The following UTRN variants were observed in gnomAD, a reference collection of about 807,000 sequenced individuals.
UTRN encodes the protein utrophin, also known as dystrophin-related protein 1.
Under a neutral mutation model 463.9 loss-of-function variants are expected in UTRN, and 283 were observed. That is an observed-to-expected ratio of 0.61 (90% CI 0.55 to 0.67). The LOEUF is 0.67. Among genes scored for constraint, UTRN ranks in the 30% least tolerant of loss-of-function variants. The probability of loss-of-function intolerance (pLI) is 0.00; values close to 1 mark genes in which losing one functional copy is unlikely to be tolerated. For synonymous variants in UTRN, 1,442 were observed against 1,431.5 expected, an observed-to-expected ratio of 1.01 and a Z score of -0.17; for missense variants, 3,922 against 4,084.3, an observed-to-expected ratio of 0.96 and a Z score of 1.08.
At chr6:144,334,726 G>A (rs959819750) in intron 2 of UTRN, among the ~76,000 whole-genome samples, 1 of 152,178 alleles carries the variant, frequency 6.6e-6, no homozygotes, top group African/African-American at 2.4e-5. Context: ...TGTTGGTTCA[G>A]GCAATGCTCT....
rs897858772 is a variant in UTRN at position 144,285,679 on chromosome 6, T to A, written c.-235T>A. On this transcript the variant is annotated 5_prime_UTR_variant, in exon 1 of 75. Coordinates refer to ENST00000367545, the MANE Select transcript of UTRN (RefSeq NM_007124.3). ...CGTGTCTGCTTCTCCAAGCTTTATT[T>A]TTTTTTTTAAATACATCGCACCACC... The A allele has an allele frequency of 1.3e-5, 2 of 152,172 alleles. No individual in the cohort carries two copies. Among genetic ancestry groups the A allele is most frequent in the Non-Finnish European group, 2.9e-5 (2 of 68,060 alleles). The allele number at this position is 152,172 out of a possible 1,614,324, so 9.4% of individuals were successfully genotyped here.
At chr6:144,499,962 T>G (rs1440883576) in intron 34 of UTRN, among the ~76,000 whole-genome samples, 1 of 152,224 alleles carries the variant, frequency 6.6e-6, no homozygotes, top group African/African-American at 2.4e-5. Context: ...TTTTTATGGT[T>G]GTATGGTACT....
chr6:144,467,270 A>T lies in UTRN; in HGVS notation c.3066+4404A>T, dbSNP rs928573385. On this transcript the variant is annotated intron_variant, in intron 23 of 74. Coordinates refer to ENST00000367545, the MANE Select transcript of UTRN (RefSeq NM_007124.3). ...TCATCTGTCTTCAGCCCAGCTCATC[A>T]CTACACCCATAGCTAGATAATCGTT... is the stretch of plus-strand genomic sequence containing the variant. Among the ~76,000 whole-genome samples the T allele has an allele frequency of 3.3e-5, 5 of 152,198 alleles. No homozygotes were observed. The South Asian group carries it at 8.3e-4, about 25-fold the overall frequency.
chr6:144,607,874 T>A (rs1216870384), intron 51 of UTRN, among the ~76,000 whole-genome samples: 2 of 152,216 alleles, frequency 1.3e-5, no homozygotes, highest in South Asian at 2.1e-4. Flanking sequence ...TGTTTTGTTT[T>A]ATTTGGGACT....
At chr6:144,813,657 T>C (rs1473778480) in intron 65 of UTRN, among the ~76,000 whole-genome samples, 1 of 152,108 alleles carries the variant, frequency 6.6e-6, no homozygotes, top group African/African-American at 2.4e-5. Flanking sequence ...CAGGTGGCGA[T>C]AAGCCACCAC....
At chr6:144,536,096 G>A (rs1030713823) in intron 43 of UTRN, among the ~76,000 whole-genome samples, 2 of 152,092 alleles carry the variant, frequency 1.3e-5, no homozygotes, top group Non-Finnish European at 2.9e-5. Context: ...TCCTTAGTGA[G>A]CAATTGTTTC....
intron 74 of UTRN, among the ~76,000 whole-genome samples, chr6:144,849,701 T>C (rs1201965385): frequency 1.3e-5 from 2 of 152,188 alleles, no homozygotes; most frequent in East Asian, 1.9e-4. Flanking sequence ...AATATTTACA[T>C]AGCATGATCT....
chr6:144,847,484 G>A (rs919627136), intron 74 of UTRN, among the ~76,000 whole-genome samples: 2 of 152,092 alleles, frequency 1.3e-5, no homozygotes, highest in Non-Finnish European at 2.9e-5. Context: ...CAGGCAGGAG[G>A]GGGTGGAGGA....
intron 45 of UTRN, among the ~76,000 whole-genome samples, chr6:144,541,235 G>A (rs1797952656): frequency 6.6e-6 from 1 of 152,128 alleles, no homozygotes; most frequent in Non-Finnish European, 1.5e-5. Context: ...TCATGGCCTG[G>A]CGTCCTGTGA....
Position 144,588,448 on chromosome 6 carries a change from T to C in UTRN, c.7479+11160T>C, listed in dbSNP as rs371669247. On this transcript the variant is annotated intron_variant, in intron 51 of 74. Transcript: ENST00000367545. ...CTTAAAGAATAACTAATACATTCTA[T>C]AAGGTAGCATTTTAAAATTCTTTTA... 1.1e-4 allele frequency among the ~76,000 whole-genome samples: 17 copies of C among 152,324 alleles called. No homozygotes were observed. In the South Asian group the frequency reaches 1.2e-3, roughly 11 times the overall value.
chr6:144,381,934 G>A (rs1780967716), intron 2 of UTRN, among the ~76,000 whole-genome samples: 1 of 152,188 alleles, frequency 6.6e-6, no homozygotes, highest in South Asian at 2.1e-4. Flanking sequence ...TTGCTATGTT[G>A]TCTTCCACAG....
intron 54 of UTRN, among the ~76,000 whole-genome samples, chr6:144,742,976 G>T (rs772689009): frequency 2.0e-5 from 3 of 152,170 alleles, no homozygotes; most frequent in African/African-American, 7.2e-5. Flanking sequence ...ACTTTGTAAG[G>T]TTGATCCTTC....
rs1421264084 is a variant in UTRN, at chr6:144,797,276, C to A, written c.9079-548C>A. ...TGATCTCGGCTCACTGCAACCTCCG[C>A]CTCCCAGGTTCAAGCGATTCTCCTG... On this transcript the variant is annotated intron_variant, in intron 63 of 74. Transcript: ENST00000367545. Among the ~76,000 whole-genome samples the A allele has an allele frequency of 3.3e-5, 5 of 151,938 alleles. No homozygotes were observed. The East Asian group carries it at 7.7e-4, about 24-fold the overall frequency.
At chr6:144,789,069 G>T (rs891318462) in intron 61 of UTRN, 125 bp from the exon 62 acceptor site, 10 of 727,096 alleles carry the variant, frequency 1.4e-5, no homozygotes, top group Non-Finnish European at 2.3e-5. Flanking sequence ...TAATAGAAAA[G>T]TTGCATCTTT....
In UTRN at chr6:144,693,092, G is replaced by T. The variant is rs537127496; in HGVS notation, c.7653-6995G>T. 3.1e-4 allele frequency among the ~76,000 whole-genome samples: 47 copies of T among 152,084 alleles called. 1 individual carries two copies. The South Asian group carries it at 9.3e-3, about 30-fold the overall frequency. ...CTATATGATATAAGGAAGAGGTCCA[G>T]TTTCAATGTTTTGCATATGGCTAGC... On this transcript the variant is annotated intron_variant, in intron 52 of 74. Transcript: ENST00000367545.
chr6:144,785,536 CTTTAT>C (rs1586564560), intron 61 of UTRN, among the ~76,000 whole-genome samples: 1 of 152,126 alleles, frequency 6.6e-6, no homozygotes, highest in Non-Finnish European at 1.5e-5. Flanking sequence ...AAACATAGTA[CTTTAT>C]TTTAAGTGAA....
intron 69 of UTRN, among the ~76,000 whole-genome samples, chr6:144,829,758 G>A (rs1390780028): frequency 6.7e-6 from 1 of 150,342 alleles, no homozygotes; most frequent in East Asian, 1.9e-4. Context: ...TACTTAAAGT[G>A]CTCAAATATA....
intron 48 of UTRN, among the ~76,000 whole-genome samples, chr6:144,552,728 A>T (rs1229364001): frequency 6.6e-6 from 1 of 152,172 alleles, no homozygotes; most frequent in Non-Finnish European, 1.5e-5. Context: ...TTAGGGCTTA[A>T]CTCACAATGA....
Position 144,836,251 on chromosome 6 carries a change from G to A in UTRN, c.9825-50G>A, listed in dbSNP as rs767268273. On this transcript the variant is annotated intron_variant, in intron 70 of 74. Transcript: ENST00000367545. ...TGAACCTCACAGACGATTTTGGAGA[G>A]ACGATAATGCACGTGGTAGTCATTC... is the stretch of plus-strand genomic sequence containing the variant. The A allele has an allele frequency of 1.2e-5, 20 of 1,609,982 alleles. No individual in the cohort carries two copies. The South Asian group carries it at 2.0e-4, about 16-fold the overall frequency.
Sources: gnomAD v4.1 joint callset for allele counts (sites outside exome capture counted in the v4.1 genomes callset) on GRCh38, gnomAD v4.1.1 for gene constraint, MANE v1.5 for transcripts, NCBI Gene and HGNC (gene_info 2026-07-23, HGNC 2026-07-21) for gene names.